The following RNF144A variants were observed in gnomAD, a reference collection of about 807,000 sequenced individuals.
The protein encoded by RNF144A is ring finger protein 144A.
RNF144A carries 11 observed loss-of-function variants against 38.7 expected under a neutral mutation model. That is an observed-to-expected ratio of 0.28 (90% CI 0.18 to 0.47). RNF144A has a LOEUF of 0.47. Among genes scored for constraint, RNF144A ranks in the 20% least tolerant of loss-of-function variants. RNF144A has a pLI of 0.99. For synonymous variants in RNF144A, 149 were observed against 143.9 expected, an observed-to-expected ratio of 1.04 and a Z score of -0.25; for missense variants, 316 against 377.2, an observed-to-expected ratio of 0.84 and a Z score of 1.34.
chr2:6,986,608 C>T (rs1340563028), intron 2 of RNF144A, among the ~76,000 whole-genome samples: 2 of 152,182 alleles, frequency 1.3e-5, no homozygotes, highest in African/African-American at 4.8e-5. Flanking sequence ...CACTTCAGGG[C>T]AGGGAACCCG....
intron 2 of RNF144A, among the ~76,000 whole-genome samples, chr2:6,965,182 C>T (rs975207220): frequency 6.6e-6 from 1 of 152,124 alleles, no homozygotes; most frequent in Non-Finnish European, 1.5e-5. Flanking sequence ...AGGATATTTA[C>T]AAGAAATGTG....
intron 1 of RNF144A, among the ~76,000 whole-genome samples, chr2:6,930,460 C>T (rs1665133686): frequency 6.6e-6 from 1 of 151,816 alleles, no homozygotes; most frequent in East Asian, 1.9e-4. Flanking sequence ...CCCCTCAGTC[C>T]ACACAAATTT....
Position 6,982,797 on chromosome 2 carries a change from T to A in RNF144A, c.-11-14119T>A, listed in dbSNP as rs575275461. On this transcript the variant is annotated intron_variant, in intron 2 of 8. Coordinates refer to ENST00000320892, the MANE Select transcript of RNF144A (RefSeq NM_014746.6). The stretch of plus-strand genomic sequence containing the variant: ...TATTATCACATTATTGTCACAGTCA[T>A]CTTCCTGCTGCAGTAACATTGGGAT... 6.6e-5 allele frequency among the ~76,000 whole-genome samples: 10 copies of A among 152,362 alleles called. No individual in the cohort carries two copies. The South Asian group carries it at 1.5e-3, about 22-fold the overall frequency.
At chr2:6,942,149 A>G (rs1247092780) in intron 2 of RNF144A, among the ~76,000 whole-genome samples, 1 of 152,230 alleles carries the variant, frequency 6.6e-6, no homozygotes, top group African/African-American at 2.4e-5. Context: ...AGTCCAGGAG[A>G]CCATCTCAGA....
chr2:6,925,628 A>G lies in RNF144A; in HGVS notation c.-212+8006A>G, dbSNP rs899501409. Among the ~76,000 whole-genome samples the G allele has an allele frequency of 2.0e-5, 3 of 152,304 alleles. No individual in the cohort carries two copies. The East Asian group carries it at 5.8e-4, about 29-fold the overall frequency. ...AGGGCAGGTTCAAGGCGCAGAATAC[A>G]GGTAGATGATTCTCTCTGATATCTG... On this transcript the variant is annotated intron_variant, in intron 1 of 8. Transcript: ENST00000320892.
intron 5 of RNF144A, 122 bp from the exon 6 acceptor site, chr2:7,020,350 TG>T: frequency 1.3e-6 from 1 of 793,184 alleles, no homozygotes; most frequent in Non-Finnish European, 2.1e-6. Context: ...TTGGGGCTGG[TG>T]GTGCTGGCTG....
intron 5 of RNF144A, among the ~76,000 whole-genome samples, chr2:7,017,321 G>C (rs58100576): frequency 2.7e-3 from 395 of 145,756 alleles, no homozygotes; most frequent in African/African-American, 9.5e-3. Flanking sequence ...TTTGTTCTTT[G>C]TTTTTTTTTT....
intron 5 of RNF144A, among the ~76,000 whole-genome samples, chr2:7,017,865 G>A (rs372517740): frequency 4.6e-5 from 7 of 152,304 alleles, no homozygotes; most frequent in African/African-American, 7.2e-5. Context: ...CAGTCAGAGC[G>A]GCCGTTTGTC....
At chr2:6,976,409 C>A (rs758397412) in intron 2 of RNF144A, among the ~76,000 whole-genome samples, 4 of 151,532 alleles carry the variant, frequency 2.6e-5, no homozygotes, top group Non-Finnish European at 5.9e-5. Context: ...GTTCCTTGAT[C>A]GTTTTTTATT....
intron 3 of RNF144A, among the ~76,000 whole-genome samples, chr2:7,012,666 C>T (rs1259793389): frequency 1.3e-5 from 2 of 152,224 alleles, no homozygotes; most frequent in African/African-American, 4.8e-5. Context: ...AACCAGGCTG[C>T]AGCCCTGCTG....
intron 2 of RNF144A, among the ~76,000 whole-genome samples, chr2:6,965,613 C>A (rs560427259): frequency 6.6e-6 from 1 of 152,014 alleles, no homozygotes; most frequent in Non-Finnish European, 1.5e-5. Context: ...GCTGCAGGCC[C>A]GTGTGGTGGC....
chr2:7,072,685 G>A (rs541091914), downstream of RNF144A, among the ~76,000 whole-genome samples: 15 of 152,298 alleles, frequency 9.8e-5, no homozygotes, highest in South Asian at 1.0e-3. Flanking sequence ...CAATGGCAAC[G>A]TCTCCATCAC....
chr2:6,976,232 G>A (rs145049416), intron 2 of RNF144A, among the ~76,000 whole-genome samples: 187 of 152,306 alleles, frequency 1.2e-3, no homozygotes, highest in African/African-American at 4.3e-3. Flanking sequence ...AGTAAGGTGT[G>A]TGAGTAATGG....
At chr2:6,964,178 CT>C (rs1478820769) in intron 2 of RNF144A, among the ~76,000 whole-genome samples, 1 of 152,100 alleles carries the variant, frequency 6.6e-6, no homozygotes, top group Non-Finnish European at 1.5e-5. Flanking sequence ...CCTTTGCCCA[CT>C]TTTTGAAGAC....
At chr2:6,925,955 G>A (rs940833680) in intron 1 of RNF144A, among the ~76,000 whole-genome samples, 1 of 152,178 alleles carries the variant, frequency 6.6e-6, no homozygotes, top group Non-Finnish European at 1.5e-5. Context: ...GTTTGTTTGT[G>A]TTTGGATGTG....
chr2:6,920,870 C>T (rs1185171701), intron 1 of RNF144A, among the ~76,000 whole-genome samples: 1 of 152,210 alleles, frequency 6.6e-6, no homozygotes, highest in Non-Finnish European at 1.5e-5. Context: ...GAGCTTATTA[C>T]AATTTCCTGA....
rs778406526 is a variant in RNF144A at position 7,024,468 on chromosome 2, C to T, written c.609C>T (p.Cys203=). The T allele has an allele frequency of 1.9e-6, 3 of 1,612,288 alleles. No homozygotes were observed. The South Asian group carries it at 3.3e-5, about 18-fold the overall frequency. The part of the protein sequence containing the change: ...ERDEGCAQMM[C]KNCKHAFCWY... ...ACGAAGGCTGCGCGCAGATGATGTGCAAGAACTGCAAGCACGCCTTCTGCT... is the reference window on the plus strand; with the variant it reads ...ACGAAGGCTGCGCGCAGATGATGTGTAAGAACTGCAAGCACGCCTTCTGCT... The change falls in exon 7 of 9, where the codon TGC becomes TGT. Residue 203 remains cysteine (C), a synonymous_variant. Transcript: ENST00000320892.
chr2:7,028,363 T>G (rs2103442363), intron 7 of RNF144A, among the ~76,000 whole-genome samples: 1 of 152,342 alleles, frequency 6.6e-6, no homozygotes, highest in East Asian at 1.9e-4. Context: ...CAGAGGCCTG[T>G]GCTTCCCAAG....
At chr2:6,936,247 T>G (rs1255671980) in intron 1 of RNF144A, among the ~76,000 whole-genome samples, 3 of 152,204 alleles carry the variant, frequency 2.0e-5, no homozygotes, top group Admixed American at 2.0e-4. Flanking sequence ...GCACGTCCTT[T>G]CTTTACCTGG....
Sources: gnomAD v4.1 joint callset for allele counts (sites outside exome capture counted in the v4.1 genomes callset) on GRCh38, gnomAD v4.1.1 for gene constraint, MANE v1.5 for transcripts, NCBI Gene and HGNC (gene_info 2026-07-23, HGNC 2026-07-21) for gene names.